The following ANKRD24 variants were observed in gnomAD, a reference collection of about 807,000 sequenced individuals.
The protein encoded by ANKRD24 is ankyrin repeat domain-containing protein 24.
In ANKRD24, 109 loss-of-function variants were observed where a neutral mutation model predicts 127.8. The ratio of observed to expected loss-of-function variants is 0.85; its 90% confidence interval spans 0.73 to 1.00. The LOEUF is 1.00. ANKRD24 is among the 50% of genes least tolerant of loss of function. The probability of loss-of-function intolerance (pLI) is 0.00; values close to 1 mark genes in which losing one functional copy is unlikely to be tolerated. For synonymous variants in ANKRD24, 743 were observed against 671.1 expected (o/e 1.11, Z -1.66); for missense variants, 1,648 against 1,570.2 (o/e 1.05, Z -0.84).
chr19:4,217,412 T>A lies in ANKRD24; in HGVS notation c.2252T>A (p.Leu751Gln), dbSNP rs1488636292. 6.5e-7 allele frequency: 1 copy of A among 1,547,850 alleles called. No individual in the cohort carries two copies. The highest frequency in any genetic ancestry group is 2.4e-5 in the East Asian group (1 of 40,822). The change falls in exon 18 of 22, where the codon CTG (leucine) becomes CAG (glutamine). Residue 751 changes from leucine (L) to glutamine (Q), a missense_variant. Leu to Gln is a moderately radical substitution (Grantham distance 113). Coordinates refer to ENST00000318934, the MANE Select transcript of ANKRD24 (RefSeq NM_001393985.1). ...REAAAELEAALGKCEAAEAEA... is the reference protein window; with the variant it reads ...REAAAELEAAQGKCEAAEAEA... ...GCAGCTGCGGAGCTGGAGGCGGCCCTGGGGAAGTGCGAGGCCGCGGAGGCC... is the reference window on the plus strand; with the variant it reads ...GCAGCTGCGGAGCTGGAGGCGGCCCAGGGGAAGTGCGAGGCCGCGGAGGCC...
At chr19:4,219,157 G>A (rs906980669) in intron 18 of ANKRD24, among the ~76,000 whole-genome samples, 5 of 152,164 alleles carry the variant, frequency 3.3e-5, no homozygotes, top group South Asian at 2.1e-4. Flanking sequence ...ATTGTGGCAC[G>A]TGCCTGTAAT....
At chr19:4,212,739 C>G (rs1032666742) in intron 15 of ANKRD24, 41 bp downstream of exon 15, 5 of 1,515,246 alleles carry the variant, frequency 3.3e-6, no homozygotes, top group South Asian at 1.2e-5. Flanking sequence ...GGGGCTGGGT[C>G]GGGGAACTTC....
At chr19:4,221,357 C>T (rs189354077) in intron 19 of ANKRD24, among the ~76,000 whole-genome samples, 75 of 151,780 alleles carry the variant, frequency 4.9e-4, no homozygotes, top group Non-Finnish European at 9.0e-4. Flanking sequence ...CATGAGCCAC[C>T]GTGCCTGGCC....
rs1474475887 is a variant in ANKRD24 at position 4,199,809 on chromosome 19, TGTCGGG to T, written c.123+42_123+47del. ...GCAGGTGGTGAGAGCCCGGAGCCCC[TGTCGGG>T]GGCGTGGGGAGGGGACAGCAGCCAA... On this transcript the variant is annotated intron_variant, in intron 3 of 21. Coordinates refer to ENST00000318934, the MANE Select transcript of ANKRD24 (RefSeq NM_001393985.1). The surrounding 1 kb of genome is among the most constrained non-coding windows in gnomAD (Gnocchi z 5.2). The T allele has an allele frequency of 6.6e-7, 1 of 1,506,782 alleles. No homozygotes were observed. The highest frequency in any genetic ancestry group is 8.9e-7 in the Non-Finnish European group (1 of 1,125,730). The allele number at this position is 1,506,782 out of a possible 1,614,324, so 93.3% of individuals were successfully genotyped here.
intron 18 of ANKRD24, among the ~76,000 whole-genome samples, chr19:4,218,860 TG>T (rs1332638188): frequency 4.6e-5 from 7 of 150,632 alleles, no homozygotes; most frequent in African/African-American, 1.7e-4. Context: ...CTCCACCTCC[TG>T]GGCTCAAGTA....
At chr19:4,186,495 C>T (rs371348686) in intron 2 of ANKRD24, 34 bp downstream of exon 2, 5 of 1,579,264 alleles carry the variant, frequency 3.2e-6, no homozygotes, top group Non-Finnish European at 4.3e-6. Context: ...CGATACACCC[C>T]TGCAACTTCA....
In ANKRD24 at chr19:4,217,410, C is replaced by T. The variant is rs1288281466; in HGVS notation, c.2250C>T (p.Ala750=). ...AGGCAGCTGCGGAGCTGGAGGCGGC[C>T]CTGGGGAAGTGCGAGGCCGCGGAGG... The part of the protein sequence containing the change: ...EREAAAELEA[A]LGKCEAAEAE... Residue 750 remains alanine, a synonymous_variant, in exon 18 of 22, where the codon GCC becomes GCT. Coordinates refer to ENST00000318934, the MANE Select transcript of ANKRD24 (RefSeq NM_001393985.1). 2.6e-6 allele frequency: 4 copies of T among 1,548,808 alleles called. No homozygotes were observed. Among genetic ancestry groups the T allele is most frequent in the Non-Finnish European group, 3.5e-6 (4 of 1,146,468 alleles).
At chr19:4,201,421 A>G (rs1040554520) in intron 5 of ANKRD24, among the ~76,000 whole-genome samples, 3 of 152,050 alleles carry the variant, frequency 2.0e-5, no homozygotes, top group African/African-American at 7.2e-5. Context: ...CAGAGCTGAA[A>G]CTTTGGTGTA....
Position 4,215,983 on chromosome 19 carries a change from G to A in ANKRD24, c.1203G>A (p.Glu401=), listed in dbSNP as rs1970041633. The change falls in exon 16 of 22, where the codon GAG becomes GAA. Residue 401 remains glutamate (E), a synonymous_variant. Coordinates refer to ENST00000318934, the MANE Select transcript of ANKRD24 (RefSeq NM_001393985.1). ...ACTCTGCTCCCTCCCCCCAGAACGAGCGGGAGAATACTAGCTATGACGTAA... is the reference window on the plus strand; with the variant it reads ...ACTCTGCTCCCTCCCCCCAGAACGAACGGGAGAATACTAGCTATGACGTAA... ...LQSRLSLLEN[E]RENTSYDVTT... The A allele has an allele frequency of 1.3e-6, 2 of 1,591,388 alleles. No homozygotes were observed. The highest frequency in any genetic ancestry group is 1.7e-6 in the Non-Finnish European group (2 of 1,170,074).
chr19:4,209,197 AC>A (rs1969560501), intron 11 of ANKRD24, among the ~76,000 whole-genome samples: 1 of 149,580 alleles, frequency 6.7e-6, no homozygotes, highest in Non-Finnish European at 1.5e-5. Context: ...TGCAACCTTC[AC>A]CCCCTGGGTT....
At chr19:4,221,059 A>G (rs59202379) in intron 19 of ANKRD24, among the ~76,000 whole-genome samples, 306 of 151,598 alleles carry the variant, frequency 2.0e-3, no homozygotes, top group African/African-American at 7.2e-3. Flanking sequence ...GTGTGCCATC[A>G]TGCCTGGCTA....
chr19:4,195,768 C>T lies in ANKRD24; in HGVS notation c.37-3915C>T, dbSNP rs962356613. On this transcript the variant is annotated intron_variant, in intron 2 of 21. Coordinates refer to ENST00000318934, the MANE Select transcript of ANKRD24 (RefSeq NM_001393985.1). The surrounding 1 kb of genome is among the most constrained non-coding windows in gnomAD (Gnocchi z 4.2). Reference sequence around the variant, plus strand: ...AATTCGCTAGGCGTGGTGGCGTGTGCCTGTAATCCCAGCTACTCGGGAAGC... The same window carrying T: ...AATTCGCTAGGCGTGGTGGCGTGTGTCTGTAATCCCAGCTACTCGGGAAGC... Among the ~76,000 whole-genome samples the T allele has an allele frequency of 1.3e-5, 2 of 152,262 alleles. No individual in the cohort carries two copies. The highest frequency in any genetic ancestry group is 3.9e-4 in the East Asian group (2 of 5,172).
At position 4,209,595 on chromosome 19, in the gene ANKRD24, G is replaced by T. The variant is rs553840847; in HGVS notation, c.871-463G>T. On this transcript the variant is annotated intron_variant, in intron 11 of 21. Transcript: ENST00000318934. Reference sequence around the variant, plus strand: ...TTCCCTAGTAGCTGGGACTACAGGCGTGCGCCACCATGCCCAGCTAATTTT... The same window carrying T: ...TTCCCTAGTAGCTGGGACTACAGGCTTGCGCCACCATGCCCAGCTAATTTT... 2.6e-5 allele frequency among the ~76,000 whole-genome samples: 4 copies of T among 152,136 alleles called. No individual in the cohort carries two copies. In the South Asian group the frequency reaches 8.3e-4, roughly 32 times the overall value.
chr19:4,205,772 G>A (rs945628314), intron 7 of ANKRD24, among the ~76,000 whole-genome samples: 4 of 148,200 alleles, frequency 2.7e-5, no homozygotes, highest in South Asian at 2.2e-4. Flanking sequence ...CGCTGGAACC[G>A]GGGAGGCGGA....
chr19:4,217,382 GGGAGGCAGCTGCGGAGCT>G lies in ANKRD24; in HGVS notation c.2229_2246del (p.Ala745_Ala750del), dbSNP rs757002496. ...GAGGAGGCTCTCCGGCAGCGGGAGC[GGGAGGCAGCTGCGGAGCT>G]GGAGGCGGCCCTGGGGAAGTGCGAG... On this transcript the variant is annotated inframe_deletion, in exon 18 of 22. Transcript: ENST00000318934. The G allele has an allele frequency of 3.2e-6, 5 of 1,550,650 alleles. No homozygotes were observed. The highest frequency in any genetic ancestry group is 2.4e-5 in the East Asian group (1 of 40,920).
chr19:4,198,588 C>CA lies in ANKRD24; in HGVS notation c.37-1095_37-1094insA. On this transcript the variant is annotated intron_variant, in intron 2 of 21. Transcript: ENST00000318934. The surrounding 1 kb of genome is among the most constrained non-coding windows in gnomAD (Gnocchi z 6.1). ...GCGGGGCGCGGGTACCTCCTCTCCC[C>CA]TCCCTTCCCCGTCCCCGGCTGACCT... 4.4e-6 allele frequency: 2 copies of CA among 451,720 alleles called. No homozygotes were observed. Among genetic ancestry groups the CA allele is most frequent in the Non-Finnish European group, 7.8e-6 (2 of 255,064 alleles). The allele number at this position is 451,720 out of a possible 1,614,324, so 28.0% of individuals were successfully genotyped here.
chr19:4,183,532 C>G (rs541647459), intron 1 of ANKRD24: 1 of 202,574 alleles, frequency 4.9e-6, no homozygotes, highest in South Asian at 1.7e-4. Context: ...GGGCACAGGG[C>G]AGTGAGGGGG....
In ANKRD24 at chr19:4,200,119, T is replaced by C; in HGVS notation, c.291T>C (p.Cys97=). The change falls in exon 5 of 22, where the codon TGT becomes TGC. Residue 97 remains cysteine (C), a synonymous_variant. Transcript: ENST00000318934. The part of the protein sequence containing the change: ...HLAAMRGAAS[C]LEVMIAHGSN... ...CGGCCATGCGGGGTGCGGCCAGCTG[T>C]CTGGAGGTGATGATAGCTCATGGCA... 3 of 1,606,272 alleles carry C rather than the reference T, an allele frequency of 1.9e-6. No individual in the cohort carries two copies. Among genetic ancestry groups the C allele is most frequent in the Non-Finnish European group, 2.5e-6 (3 of 1,176,660 alleles).
In ANKRD24 at chr19:4,194,629, A is replaced by G. The variant is rs548194071; in HGVS notation, c.37-5054A>G. 3.3e-5 allele frequency among the ~76,000 whole-genome samples: 5 copies of G among 152,162 alleles called. No homozygotes were observed. The South Asian group carries it at 1.0e-3, about 32-fold the overall frequency. On this transcript the variant is annotated intron_variant, in intron 2 of 21. Coordinates refer to ENST00000318934, the MANE Select transcript of ANKRD24 (RefSeq NM_001393985.1). The stretch of plus-strand genomic sequence containing the variant: ...ATTTTAAGCTGAGTGAGGTCTCTGG[A>G]GGCTTTTGTGCAGGAGAGATGAGAT...
Sources: allele counts gnomAD v4.1 joint callset (sites outside exome capture counted in the v4.1 genomes callset), GRCh38; gene constraint gnomAD v4.1.1; non-coding constraint Gnocchi (gnomAD v3.1); transcripts MANE v1.5; gene names NCBI Gene and HGNC (gene_info 2026-07-23, HGNC 2026-07-21).